SDK1: variants seen among roughly 807,000 people sequenced by gnomAD.
SDK1 encodes protein sidekick-1.
In SDK1, 157 loss-of-function variants were observed where a neutral mutation model predicts 245.5. The ratio of observed to expected loss-of-function variants is 0.64; its 90% CI spans 0.56 to 0.73. The LOEUF (loss-of-function observed/expected upper bound fraction) is 0.73. Among genes scored for constraint, SDK1 ranks in the 30% least tolerant of loss-of-function variants. SDK1 has a pLI of 0.00. For synonymous variants in SDK1, 1,647 were observed against 1,278.5 expected (o/e 1.29, Z -6.15); for missense variants, 3,583 against 3,002.3 (o/e 1.19, Z -4.52).
At chr7:3,771,730 A>AT (rs953189705) in intron 4 of SDK1, among the ~76,000 whole-genome samples, 16 of 151,324 alleles carry the variant, frequency 1.1e-4, no homozygotes, top group East Asian at 7.8e-4. Flanking sequence ...TTGTTTTCCA[A>AT]TTTTTTTTTA....
At chr7:3,513,563 T>G (rs1177181167) in intron 1 of SDK1, among the ~76,000 whole-genome samples, 1 of 152,110 alleles carries the variant, frequency 6.6e-6, no homozygotes, top group Non-Finnish European at 1.5e-5. Flanking sequence ...ATAAAGAAAA[T>G]ATCCATATTT....
In SDK1 at chr7:3,346,364, C is replaced by G. The variant is rs143956493; in HGVS notation, c.298+44480C>G. ...TGAGCCTCCGTGCAAGGCTGTTCAT[C>G]TAGCTTCACTTTCTTCCTAGGCTTG... On this transcript the variant is annotated intron_variant, in intron 1 of 44. Transcript: ENST00000404826. Among the ~76,000 whole-genome samples the G allele has an allele frequency of 5.8e-3, 882 of 152,220 alleles. 8 individuals carry two copies. The highest frequency in any genetic ancestry group is 0.02 in the African/African-American group (817 of 41,526).
At chr7:4,251,257 T>C (rs904014230) in intron 44 of SDK1, among the ~76,000 whole-genome samples, 1 of 152,234 alleles carries the variant, frequency 6.6e-6, no homozygotes, top group Non-Finnish European at 1.5e-5. Context: ...AGTGATTCAC[T>C]AGAAGGACTC....
intron 39 of SDK1, among the ~76,000 whole-genome samples, chr7:4,220,886 C>T (rs575604558): frequency 1.6e-5 from 2 of 128,348 alleles, no homozygotes; most frequent in East Asian, 2.8e-4. Context: ...GATACCCCCA[C>T]CCCCCACCCC....
chr7:4,006,627 C>T (rs1335407217), intron 14 of SDK1, among the ~76,000 whole-genome samples: 1 of 152,088 alleles, frequency 6.6e-6, no homozygotes, highest in Admixed American at 6.5e-5. Context: ...ATCAGGGTGC[C>T]CAGAGATGGA....
intron 1 of SDK1, among the ~76,000 whole-genome samples, chr7:3,507,790 C>T (rs1473660622): frequency 1.3e-5 from 2 of 152,126 alleles, no homozygotes; most frequent in Non-Finnish European, 2.9e-5. Flanking sequence ...ATGTGTTAGT[C>T]TCCCTTTGTC....
chr7:4,074,036 T>A (rs1192220477), intron 20 of SDK1, among the ~76,000 whole-genome samples: 2 of 152,134 alleles, frequency 1.3e-5, no homozygotes, highest in Non-Finnish European at 2.9e-5. Context: ...GTAGGTGTTT[T>A]TTTAGGGTTG....
intron 1 of SDK1, among the ~76,000 whole-genome samples, chr7:3,408,983 C>T (rs1045829312): frequency 1.3e-5 from 2 of 152,182 alleles, no homozygotes; most frequent in African/African-American, 2.4e-5. Flanking sequence ...GTGGTTCTCT[C>T]AGCCCTATTG....
intron 2 of SDK1, among the ~76,000 whole-genome samples, chr7:3,624,484 C>T (rs943683335): frequency 1.3e-5 from 2 of 152,064 alleles, no homozygotes; most frequent in African/African-American, 4.8e-5. Flanking sequence ...CAGGTGTAAG[C>T]CACCACACCT....
At chr7:3,397,144 A>G (rs1227193404) in intron 1 of SDK1, among the ~76,000 whole-genome samples, 1 of 151,912 alleles carries the variant, frequency 6.6e-6, no homozygotes, top group Non-Finnish European at 1.5e-5. Flanking sequence ...TTTTTGCCTT[A>G]TAAATTATGT....
chr7:3,454,609 C>T (rs1583881965), intron 1 of SDK1, among the ~76,000 whole-genome samples: 1 of 152,082 alleles, frequency 6.6e-6, no homozygotes, highest in Admixed American at 6.6e-5. Flanking sequence ...GGTATGTAAC[C>T]TTTTGGGATT....
intron 1 of SDK1, among the ~76,000 whole-genome samples, chr7:3,613,642 A>T (rs1448849324): frequency 6.6e-6 from 1 of 152,226 alleles, no homozygotes; most frequent in Non-Finnish European, 1.5e-5. Context: ...ATCACTGGGT[A>T]TACACCCAGA....
chr7:3,563,521 TA>T lies in SDK1; in HGVS notation c.299-55553del, dbSNP rs546049832. On this transcript the variant is annotated intron_variant, in intron 1 of 44. Coordinates refer to ENST00000404826, the MANE Select transcript of SDK1 (RefSeq NM_152744.4). ...GGAATATGACAAGAAGATGTAACCA[TA>T]AAAAATGGTAATCTGCAATATAGTT... 1.3e-4 allele frequency among the ~76,000 whole-genome samples: 20 copies of T among 152,188 alleles called. No individual in the cohort carries two copies. The East Asian group carries it at 3.1e-3, about 23-fold the overall frequency.
chr7:4,085,761 G>T (rs192143918), intron 22 of SDK1, among the ~76,000 whole-genome samples: 30 of 151,992 alleles, frequency 2.0e-4, no homozygotes, highest in African/African-American at 7.0e-4. Flanking sequence ...CACCATGTTG[G>T]CCAGGCTGGT....
intron 4 of SDK1, among the ~76,000 whole-genome samples, chr7:3,797,445 A>G (rs1222220585): frequency 7.8e-6 from 1 of 127,880 alleles, no homozygotes; most frequent in Non-Finnish European, 1.6e-5. Flanking sequence ...TACATGTACA[A>G]GAGGGGTGTG....
chr7:3,820,336 G>C (rs755041956), intron 4 of SDK1, among the ~76,000 whole-genome samples: 3 of 152,134 alleles, frequency 2.0e-5, no homozygotes, highest in African/African-American at 7.2e-5. Flanking sequence ...TTTCAGTAGA[G>C]ATGAGGTTTC....
intron 1 of SDK1, among the ~76,000 whole-genome samples, chr7:3,454,579 G>C (rs1780618081): frequency 6.6e-6 from 1 of 152,066 alleles, no homozygotes; most frequent in Non-Finnish European, 1.5e-5. Context: ...TAACACATTT[G>C]TTTTCCGTTT....
intron 5 of SDK1, among the ~76,000 whole-genome samples, chr7:3,908,240 T>G (rs1779028094): frequency 6.6e-6 from 1 of 152,176 alleles, no homozygotes; most frequent in Non-Finnish European, 1.5e-5. Flanking sequence ...CTTTGCGCGT[T>G]GGGCTGCAAA....
At position 3,811,174 on chromosome 7, in the gene SDK1, A is replaced by C. The variant is rs113674063; in HGVS notation, c.714-10276A>C. 1.3e-3 allele frequency among the ~76,000 whole-genome samples: 194 copies of C among 152,294 alleles called. 1 individual carries two copies. Among genetic ancestry groups the C allele is most frequent in the African/African-American group, 4.4e-3 (181 of 41,562 alleles). On this transcript the variant is annotated intron_variant, in intron 4 of 44. Coordinates refer to ENST00000404826, the MANE Select transcript of SDK1 (RefSeq NM_152744.4). ...TCACCTCACTACCGATTTGCACTTC[A>C]TCAGTGTCCTTTTGATGTCAGAATT...
Sources: allele counts gnomAD v4.1 joint callset (sites outside exome capture counted in the v4.1 genomes callset), GRCh38; gene constraint gnomAD v4.1.1; transcripts MANE v1.5; gene names NCBI Gene and HGNC (gene_info 2026-07-23, HGNC 2026-07-21).